The following CWF19L2 variants were observed in gnomAD, a reference collection of about 807,000 sequenced individuals.
CWF19L2 encodes the protein CWF19-like protein 2.
Under a neutral mutation model 111.7 loss-of-function variants are expected in CWF19L2, and 98 were observed. The ratio of observed to expected loss-of-function variants is 0.88; its 90% confidence interval spans 0.75 to 1.04. The LOEUF is 1.04. CWF19L2 is among the 50% of genes least tolerant of loss of function. The pLI is 0.00. For synonymous variants in CWF19L2, 351 were observed against 342.9 expected, an observed-to-expected ratio of 1.02 and a Z score of -0.26; for missense variants, 1,101 against 1,051.4, an observed-to-expected ratio of 1.05 and a Z score of -0.65.
rs1860516483 is a variant in CWF19L2 at position 107,371,919 on chromosome 11, C to T, written c.1872+18155G>A. 3.6e-5 allele frequency among the ~76,000 whole-genome samples: 5 copies of T among 137,502 alleles called. 1 individual carries two copies. The highest frequency in any genetic ancestry group is 2.1e-4 in the Admixed American group (3 of 13,962). The allele number at this position is 137,502 out of a possible 152,430, so 90.2% of individuals were successfully genotyped here. A position where few individuals can be genotyped will look rare whatever the true frequency, so the allele number is the denominator to read the frequency against. On this transcript the variant is annotated intron_variant, in intron 12 of 17. Transcript: ENST00000282251. ...TCCACGTCCAAGACATCATTTTATTCATCATCCTTTTTTGTGCTTGTTTTT... is the reference window on the plus strand; with the variant it reads ...TCCACGTCCAAGACATCATTTTATTTATCATCCTTTTTTGTGCTTGTTTTT...
intron 8 of CWF19L2, among the ~76,000 whole-genome samples, chr11:107,420,723 C>A (rs1227588545): frequency 6.6e-6 from 1 of 151,986 alleles, no homozygotes; most frequent in African/African-American, 2.4e-5. Context: ...TAGTAAGACA[C>A]TAACAACAAC....
rs376951702 is a variant in CWF19L2 at position 107,416,190 on chromosome 11, C to T, written c.1617+19G>A. The T allele has an allele frequency of 9.2e-6, 9 of 982,092 alleles. No homozygotes were observed. The highest frequency in any genetic ancestry group is 1.3e-5 in the Non-Finnish European group (9 of 698,676). 60.8% of individuals were successfully genotyped at this position (982,092 alleles called of 1,614,324 possible). On this transcript the variant is annotated intron_variant, in intron 10 of 17. Transcript: ENST00000282251. ...AGTTTACACAAGGTAATTACATTCT[C>T]CAAACTTTTATTACTTACCTCTACC...
intron 12 of CWF19L2, among the ~76,000 whole-genome samples, chr11:107,361,882 C>A (rs144702831): frequency 6.6e-6 from 1 of 152,084 alleles, no homozygotes; most frequent in African/African-American, 2.4e-5. Flanking sequence ...ACGCAGAAGA[C>A]GGGTGATTTG....
chr11:107,344,582 C>A (rs915521172), intron 14 of CWF19L2, among the ~76,000 whole-genome samples: 1 of 152,158 alleles, frequency 6.6e-6, no homozygotes, highest in Non-Finnish European at 1.5e-5. Flanking sequence ...GTGAGAAATG[C>A]GCTGTCATTC....
intron 1 of CWF19L2, among the ~76,000 whole-genome samples, chr11:107,457,159 T>C (rs1419628133): frequency 6.6e-6 from 1 of 152,192 alleles, no homozygotes; most frequent in Non-Finnish European, 1.5e-5. Context: ...TAGTGAGAAA[T>C]ACAATGTTTC....
intron 12 of CWF19L2, among the ~76,000 whole-genome samples, chr11:107,356,380 A>G (rs923782796): frequency 6.6e-6 from 1 of 152,184 alleles, no homozygotes; most frequent in African/African-American, 2.4e-5. Flanking sequence ...TTTATTTAAC[A>G]CCATTACTGA....
chr11:107,342,675 A>C (rs572825575), intron 14 of CWF19L2, among the ~76,000 whole-genome samples: 2 of 152,272 alleles, frequency 1.3e-5, no homozygotes, highest in East Asian at 3.9e-4. Context: ...TAGCAGGCTG[A>C]CTAATGGCCC....
chr11:107,412,789 G>C (rs1189243463), intron 10 of CWF19L2, among the ~76,000 whole-genome samples: 6 of 152,196 alleles, frequency 3.9e-5, no homozygotes, highest in Non-Finnish European at 7.3e-5. Context: ...TACAGACCAT[G>C]AAATATTATT....
At chr11:107,457,627 A>T in intron 1 of CWF19L2, 85 bp downstream of exon 1, 1 of 948,712 alleles carries the variant, frequency 1.1e-6, no homozygotes, top group Non-Finnish European at 1.7e-6. Flanking sequence ...CTGACGAGGT[A>T]AGGGAAGGGG....
At position 107,402,873 on chromosome 11, in the gene CWF19L2, G is replaced by GTGTGTATGTATATA. The variant is rs1247886311; in HGVS notation, c.1618-9979_1618-9978insTATATACATACACA. On this transcript the variant is annotated intron_variant, in intron 10 of 17. Transcript: ENST00000282251. The stretch of plus-strand genomic sequence containing the variant: ...CGAGTGGATAAACAAACTGTGGTGT[G>GTGTGTATGTATATA]TATATATATATATATATATATATAT... Among the ~76,000 whole-genome samples the GTGTGTATGTATATA allele has an allele frequency of 4.2e-5, 4 of 94,468 alleles. 1 individual carries two copies. The East Asian group carries it at 8.9e-4, about 21-fold the overall frequency. 62.0% of individuals were successfully genotyped at this position (94,468 alleles called of 152,430 possible).
rs560835824 is a variant in CWF19L2 at position 107,352,681 on chromosome 11, T to C, written c.2085+843A>G. 8.8e-5 allele frequency among the ~76,000 whole-genome samples: 11 copies of C among 124,860 alleles called. No homozygotes were observed. The East Asian group carries it at 1.2e-3, about 13-fold the overall frequency. 81.9% of individuals were successfully genotyped at this position (124,860 alleles called of 152,430 possible). Reference sequence around the variant, plus strand: ...TTTTGACATTTATCTTTTTGTTAAGTATAAAGGAAAAGAGAAGAAAAAGAA... The same window carrying C: ...TTTTGACATTTATCTTTTTGTTAAGCATAAAGGAAAAGAGAAGAAAAAGAA... On this transcript the variant is annotated intron_variant, in intron 13 of 17. Coordinates refer to ENST00000282251, the MANE Select transcript of CWF19L2 (RefSeq NM_152434.3).
intron 14 of CWF19L2, among the ~76,000 whole-genome samples, chr11:107,345,793 T>C (rs1591153522): frequency 6.6e-6 from 1 of 152,310 alleles, no homozygotes; most frequent in Non-Finnish European, 1.5e-5. Context: ...TACAAAAATA[T>C]TCATTTTTTA....
chr11:107,346,072 C>T (rs1250247628), intron 14 of CWF19L2, among the ~76,000 whole-genome samples: 6 of 152,088 alleles, frequency 3.9e-5, no homozygotes, highest in Non-Finnish European at 7.4e-5. Context: ...TTTAAGGAAA[C>T]TATACTGCAC....
chr11:107,328,835 T>G (rs972793840), intron 17 of CWF19L2, among the ~76,000 whole-genome samples: 6 of 152,196 alleles, frequency 3.9e-5, no homozygotes, highest in Non-Finnish European at 7.3e-5. Flanking sequence ...AACACATTTC[T>G]TTCTAGTTAA....
At chr11:107,408,252 T>C (rs1052071994) in intron 10 of CWF19L2, among the ~76,000 whole-genome samples, 3 of 151,946 alleles carry the variant, frequency 2.0e-5, no homozygotes, top group Admixed American at 6.6e-5. Context: ...ATAAGGAGTA[T>C]ATGATGTCTG....
At position 107,402,871 on chromosome 11, in the gene CWF19L2, GTGTATATATATATA is replaced by G. The variant is rs746944457; in HGVS notation, c.1618-9990_1618-9977del. Among the ~76,000 whole-genome samples, 77 of 57,108 alleles carry G rather than the reference GTGTATATATATATA, an allele frequency of 1.3e-3. 8 individuals carry two copies. The highest frequency in any genetic ancestry group is 6.9e-3 in the African/African-American group (69 of 10,066). The allele number at this position is 57,108 out of a possible 152,430, so 37.5% of individuals were successfully genotyped here. A position where few individuals can be genotyped will look rare whatever the true frequency, so the allele number is the denominator to read the frequency against. On this transcript the variant is annotated intron_variant, in intron 10 of 17. Coordinates refer to ENST00000282251, the MANE Select transcript of CWF19L2 (RefSeq NM_152434.3). ...AACGAGTGGATAAACAAACTGTGGT[GTGTATATATATATA>G]TATATATATATATATATAATGGAAT...
chr11:107,454,266 G>A (rs1399298905), intron 3 of CWF19L2, among the ~76,000 whole-genome samples, 184 bp downstream of exon 3: 1 of 152,160 alleles, frequency 6.6e-6, no homozygotes, highest in Non-Finnish European at 1.5e-5. Flanking sequence ...GCCTTTCTCT[G>A]AAATTCAAGA....
intron 13 of CWF19L2, among the ~76,000 whole-genome samples, chr11:107,352,921 C>G (rs1860177669): frequency 1.3e-5 from 2 of 152,184 alleles, no homozygotes; most frequent in African/African-American, 4.8e-5. Context: ...TGCCTTCTTT[C>G]TGCTCCACCA....
chr11:107,399,448 T>A (rs535623200), intron 10 of CWF19L2, among the ~76,000 whole-genome samples: 7 of 152,148 alleles, frequency 4.6e-5, no homozygotes, highest in Non-Finnish European at 1.0e-4. Flanking sequence ...AAACAAACTT[T>A]AAAGCAACGG....
Sources: allele counts gnomAD v4.1 joint callset (sites outside exome capture counted in the v4.1 genomes callset), GRCh38; gene constraint gnomAD v4.1.1; transcripts MANE v1.5; gene names NCBI Gene and HGNC (gene_info 2026-07-23, HGNC 2026-07-21).